The following SYNE1 variants were observed in gnomAD, a reference collection of about 807,000 sequenced individuals.
SYNE1 encodes the protein nesprin-1.
A neutral mutation model predicts 1,111.0 loss-of-function variants in SYNE1; 616 were observed. That is an observed-to-expected ratio of 0.55 (90% CI 0.52 to 0.59). SYNE1 has a LOEUF of 0.59. Ranked by LOEUF, SYNE1 falls within the 20% of genes least tolerant of loss-of-function variation. The pLI is 0.00. For missense variants in SYNE1, 10,006 were observed against 10,417.0 expected (o/e 0.96, Z 1.72); for synonymous variants, 3,855 against 3,825.8 (o/e 1.01, Z -0.28).
intron 3 of SYNE1, among the ~76,000 whole-genome samples, chr6:152,609,786 C>A (rs2099626175): frequency 6.6e-6 from 1 of 152,124 alleles, no homozygotes; most frequent in Admixed American, 6.5e-5. Flanking sequence ...AACGATCAGG[C>A]AGCAGTATTT....
intron 6 of SYNE1, among the ~76,000 whole-genome samples, chr6:152,512,431 C>A (rs2099089585): frequency 6.6e-6 from 1 of 152,120 alleles, no homozygotes; most frequent in Non-Finnish European, 1.5e-5. Flanking sequence ...TCTCTAGGAT[C>A]ATTTTGAGAG....
chr6:152,227,685 A>C (rs1535909), intron 115 of SYNE1, among the ~76,000 whole-genome samples: 115,428 of 152,046 alleles, frequency 0.76, 44,461 homozygotes, highest in East Asian at 0.89. Flanking sequence ...AAAATTCAAC[A>C]ATTAGAAATT....
chr6:152,178,251 A>G lies in SYNE1; in HGVS notation c.23461-1691T>C, dbSNP rs2066975366. ...TACATCCTAAATTTAGTAAAAAAAA[A>G]GCAATGAGAATAGAGACAAACTTAA... On this transcript the variant is annotated intron_variant, in intron 129 of 145. Coordinates refer to ENST00000367255, the MANE Select transcript of SYNE1 (RefSeq NM_182961.4). 2.6e-5 allele frequency among the ~76,000 whole-genome samples: 4 copies of G among 152,252 alleles called. No individual in the cohort carries two copies. In the South Asian group the frequency reaches 8.3e-4, roughly 32 times the overall value.
intron 6 of SYNE1, among the ~76,000 whole-genome samples, chr6:152,516,548 G>A (rs1416113779): frequency 1.3e-5 from 2 of 152,014 alleles, no homozygotes; most frequent in Non-Finnish European, 2.9e-5. Flanking sequence ...CAGCTGAAAT[G>A]GGAGAATGAA....
chr6:152,611,482 C>T (rs940729645), intron 3 of SYNE1, among the ~76,000 whole-genome samples: 3 of 151,976 alleles, frequency 2.0e-5, no homozygotes, highest in Non-Finnish European at 4.4e-5. Flanking sequence ...TACAGGAGCA[C>T]CCAGATTCAT....
intron 91 of SYNE1, 85 bp downstream of exon 91, chr6:152,308,404 G>T (rs2095445047): frequency 2.5e-6 from 4 of 1,588,996 alleles, no homozygotes; most frequent in Non-Finnish European, 3.4e-6. Flanking sequence ...AGGGGAAACT[G>T]TTCTCTTCCA....
intron 3 of SYNE1, among the ~76,000 whole-genome samples, chr6:152,627,550 T>A (rs1198502871): frequency 6.6e-6 from 1 of 151,804 alleles, no homozygotes; most frequent in Non-Finnish European, 1.5e-5. Context: ...CCCAGCTACT[T>A]GTGAGGCTGA....
intron 121 of SYNE1, 131 bp from the exon 122 acceptor site, chr6:152,215,191 C>T: frequency 1.0e-6 from 1 of 978,614 alleles, no homozygotes; most frequent in Non-Finnish European, 1.6e-6. Flanking sequence ...ATTTCTAGGC[C>T]ACTTACTTAC....
chr6:152,177,017 T>C (rs113798352), intron 129 of SYNE1, among the ~76,000 whole-genome samples: 11 of 152,292 alleles, frequency 7.2e-5, no homozygotes, highest in African/African-American at 2.6e-4. Context: ...TATATATAAA[T>C]GTGAATGTGT....
intron 3 of SYNE1, among the ~76,000 whole-genome samples, chr6:152,625,937 G>A (rs2099684758): frequency 6.6e-6 from 1 of 152,148 alleles, no homozygotes; most frequent in African/African-American, 2.4e-5. Flanking sequence ...GGGCTAAGCA[G>A]ATGGGAGCAA....
rs1026723783 is a variant in SYNE1, at chr6:152,232,183, T to G, written c.20795A>C (p.Lys6932Thr). The change falls in exon 113 of 146, where the codon AAG (lysine) becomes ACG (threonine). Residue 6932 changes from lysine (K) to threonine (T), a missense_variant. By Grantham distance (78) the Lys-to-Thr change is moderately conservative. Around this residue, in one of 7 missense-constraint regions of SYNE1, gnomAD observed 2,182 missense variants for 2,287.8 expected, o/e 0.95. Coordinates refer to ENST00000367255, the MANE Select transcript of SYNE1 (RefSeq NM_182961.4). ...WISLMENVIQKDEDNIKNSIG... is the reference protein window; with the variant it reads ...WISLMENVIQTDEDNIKNSIG... ...GGAATTTTTAATATTATCTTCATCCTTCTGAATAACATTTTCCATTAGAGA... is the reference window on the plus strand; with the variant it reads ...GGAATTTTTAATATTATCTTCATCCGTCTGAATAACATTTTCCATTAGAGA... 2.5e-6 allele frequency: 4 copies of G among 1,611,286 alleles called. No homozygotes were observed. The African/African-American group carries it at 5.3e-5, about 22-fold the overall frequency.
At chr6:152,450,055 A>G (rs1479529565) in intron 27 of SYNE1, among the ~76,000 whole-genome samples, 1 of 152,228 alleles carries the variant, frequency 6.6e-6, no homozygotes, top group African/African-American at 2.4e-5. Context: ...TGTAGTTTCC[A>G]TAATCCCCAC....
At chr6:152,609,843 C>G (rs2099626320) in intron 3 of SYNE1, among the ~76,000 whole-genome samples, 1 of 152,216 alleles carries the variant, frequency 6.6e-6, no homozygotes, top group Non-Finnish European at 1.5e-5. Flanking sequence ...TGGTAAAACC[C>G]AAGCAAACAG....
At chr6:152,563,338 C>T (rs2099401179) in intron 3 of SYNE1, among the ~76,000 whole-genome samples, 1 of 152,124 alleles carries the variant, frequency 6.6e-6, no homozygotes, top group Admixed American at 6.6e-5. Flanking sequence ...ATTCTTCATC[C>T]TTACCCCCTG....
At chr6:152,378,393 C>A (rs2097334409) in intron 56 of SYNE1, among the ~76,000 whole-genome samples, 1 of 152,186 alleles carries the variant, frequency 6.6e-6, no homozygotes, top group African/African-American at 2.4e-5. Context: ...CTGTCCCCCG[C>A]TGATGTCAAT....
At chr6:152,167,840 T>G in intron 130 of SYNE1, 1 of 642,892 alleles carries the variant, frequency 1.6e-6, no homozygotes, top group Non-Finnish European at 3.0e-6. Flanking sequence ...ATACTCCTTG[T>G]ATGACGCATA....
At position 152,560,178 on chromosome 6, in the gene SYNE1, C is replaced by A. The variant is rs372816100; in HGVS notation, c.68-20157G>T. Among the ~76,000 whole-genome samples, 5 of 151,982 alleles carry A rather than the reference C, an allele frequency of 3.3e-5. No individual in the cohort carries two copies. The East Asian group carries it at 7.7e-4, about 23-fold the overall frequency. ...GACCAGCCTGAACAACATGGTGAAACCCCATCTCTATCAAAAATACAAAAA... is the reference window on the plus strand; with the variant it reads ...GACCAGCCTGAACAACATGGTGAAAACCCATCTCTATCAAAAATACAAAAA... On this transcript the variant is annotated intron_variant, in intron 3 of 145. Transcript: ENST00000367255.
intron 18 of SYNE1, among the ~76,000 whole-genome samples, chr6:152,464,316 G>A (rs1309674766): frequency 6.6e-6 from 1 of 152,142 alleles, no homozygotes; most frequent in Non-Finnish European, 1.5e-5. Flanking sequence ...CGTAAGCCTT[G>A]TGTGGGAGGA....
chr6:152,250,279 G>A (rs947017590), intron 104 of SYNE1, among the ~76,000 whole-genome samples: 1 of 151,724 alleles, frequency 6.6e-6, no homozygotes, highest in African/African-American at 2.4e-5. Flanking sequence ...CCAAAAAAAT[G>A]TATTTTTTTC....
Sources: gnomAD v4.1 joint callset for allele counts (sites outside exome capture counted in the v4.1 genomes callset) on GRCh38, gnomAD v4.1.1 for gene constraint, gnomAD v4.1.1 regional missense constraint, MANE v1.5 for transcripts, NCBI Gene and HGNC (gene_info 2026-07-23, HGNC 2026-07-21) for gene names.